The following KIAA0825 variants were observed in gnomAD, a reference collection of about 807,000 sequenced individuals.
KIAA0825 encodes uncharacterized protein KIAA0825.
KIAA0825 carries 119 observed loss-of-function variants against 147.6 expected under a neutral mutation model. The observed-to-expected ratio is 0.81, with a 90% CI of 0.69 to 0.94. The LOEUF is 0.94. KIAA0825 is among the 40% of genes least tolerant of loss of function. The pLI, the probability that KIAA0825 is intolerant of heterozygous loss-of-function variation, is 0.00. For synonymous variants in KIAA0825, 470 were observed against 518.1 expected (o/e 0.91, Z 1.26); for missense variants, 1,381 against 1,472.7 (o/e 0.94, Z 1.02).
chr5:94,241,994 A>T (rs1488333816), intron 20 of KIAA0825, among the ~76,000 whole-genome samples: 1 of 152,236 alleles, frequency 6.6e-6, no homozygotes, highest in Non-Finnish European at 1.5e-5. Context: ...TTTTAAAGCA[A>T]ATAACTCATT....
Position 94,477,349 on chromosome 5 carries a change from A to G in KIAA0825, c.1133-144T>C, listed in dbSNP as rs1266271228. 5.1e-5 allele frequency: 26 copies of G among 510,248 alleles called. No homozygotes were observed. In the East Asian group the frequency reaches 5.8e-4, roughly 11 times the overall value. The allele number at this position is 510,248 out of a possible 1,614,324, so 31.6% of individuals were successfully genotyped here. On this transcript the variant is annotated intron_variant, in intron 6 of 20. Transcript: ENST00000682413. Reference sequence around the variant, plus strand: ...ACATACATATACACATCCACAAATAACAATATATAGAGAATATAGTCAAAA... The same window carrying G: ...ACATACATATACACATCCACAAATAGCAATATATAGAGAATATAGTCAAAA...
intron 20 of KIAA0825, among the ~76,000 whole-genome samples, chr5:94,228,605 C>A (rs1774413556): frequency 6.6e-6 from 1 of 152,106 alleles, no homozygotes; most frequent in African/African-American, 2.4e-5. Flanking sequence ...GTCACATGAC[C>A]ACATCTAGAC....
At chr5:94,267,343 T>G (rs1776778843) in intron 20 of KIAA0825, among the ~76,000 whole-genome samples, 2 of 151,920 alleles carry the variant, frequency 1.3e-5, no homozygotes, top group Admixed American at 1.3e-4. Context: ...TCAATCAACA[T>G]ATTTATTGAG....
At chr5:94,182,250 C>CTGTTTTTTTTTTTTTT (rs1769701577) in intron 20 of KIAA0825, among the ~76,000 whole-genome samples, 1 of 38,276 alleles carries the variant, frequency 2.6e-5, no homozygotes, top group Non-Finnish European at 4.3e-5. Flanking sequence ...AATGTCCCTT[C>CTGTTTTTTTTTTTTTT]TTTTTTTTTT....
At chr5:94,444,737 A>G (rs980374690) in intron 13 of KIAA0825, among the ~76,000 whole-genome samples, 26 of 152,252 alleles carry the variant, frequency 1.7e-4, no homozygotes, top group Middle Eastern at 3.4e-3. Flanking sequence ...GCTTAAATAA[A>G]TGAATAAATT....
chr5:94,482,758 C>CA (rs1195973320), intron 6 of KIAA0825, among the ~76,000 whole-genome samples: 1 of 151,688 alleles, frequency 6.6e-6, no homozygotes, highest in Non-Finnish European at 1.5e-5. Flanking sequence ...GCTTTGTGAC[C>CA]AAAAAAATAT....
intron 2 of KIAA0825, among the ~76,000 whole-genome samples, chr5:94,539,788 T>C (rs1314493652): frequency 6.6e-6 from 1 of 151,876 alleles, no homozygotes; most frequent in African/African-American, 2.4e-5. Flanking sequence ...TAGGGTTCCT[T>C]ATAAGATTTA....
chr5:94,510,805 T>C (rs74884931), intron 5 of KIAA0825, among the ~76,000 whole-genome samples: 3,262 of 152,344 alleles, frequency 0.021, 45 homozygotes, highest in Non-Finnish European at 0.03. Context: ...TTGGTTTAAC[T>C]CTTAAAGCTG....
At chr5:94,295,532 G>A (rs542476611) in intron 20 of KIAA0825, among the ~76,000 whole-genome samples, 27 of 152,072 alleles carry the variant, frequency 1.8e-4, no homozygotes, top group Non-Finnish European at 1.0e-4. Flanking sequence ...GACTTTTTGT[G>A]CTAGTTTTTT....
intron 20 of KIAA0825, among the ~76,000 whole-genome samples, chr5:94,280,670 C>T (rs534039097): frequency 2.8e-4 from 42 of 152,178 alleles, no homozygotes; most frequent in African/African-American, 9.9e-4. Flanking sequence ...CTGCACCACA[C>T]GTCCTCACTG....
intron 15 of KIAA0825, among the ~76,000 whole-genome samples, chr5:94,409,325 C>T (rs1752472062): frequency 6.6e-6 from 1 of 152,140 alleles, no homozygotes; most frequent in South Asian, 2.1e-4. Context: ...TGCAAAATAA[C>T]TATTTTCACA....
intron 20 of KIAA0825, among the ~76,000 whole-genome samples, chr5:94,160,754 C>T (rs967771757): frequency 7.9e-5 from 12 of 151,714 alleles, no homozygotes; most frequent in Admixed American, 5.3e-4. Context: ...TTACCCCCTT[C>T]TCCCTCAATA....
chr5:94,247,300 C>T (rs557061386), intron 20 of KIAA0825, among the ~76,000 whole-genome samples: 11 of 152,036 alleles, frequency 7.2e-5, no homozygotes, highest in African/African-American at 2.2e-4. Flanking sequence ...TACTTTTGAC[C>T]GGTAATGAAT....
At chr5:94,429,729 G>A (rs905888269) in intron 14 of KIAA0825, among the ~76,000 whole-genome samples, 3 of 152,188 alleles carry the variant, frequency 2.0e-5, no homozygotes, top group South Asian at 2.1e-4. Context: ...CAGGTTCCCC[G>A]ATGTCAGGCA....
intron 20 of KIAA0825, among the ~76,000 whole-genome samples, chr5:94,292,804 A>T (rs1777959426): frequency 6.6e-6 from 1 of 152,112 alleles, no homozygotes; most frequent in African/African-American, 2.4e-5. Flanking sequence ...TTATTGGTCT[A>T]TTCAGGGATT....
chr5:94,161,280 T>C (rs1209614132), intron 20 of KIAA0825, among the ~76,000 whole-genome samples: 1 of 152,196 alleles, frequency 6.6e-6, no homozygotes, highest in African/African-American at 2.4e-5. Flanking sequence ...AGCAGTTCTG[T>C]TTAGCTGCTA....
chr5:94,599,333 T>TA (rs1013963457), intron 1 of KIAA0825, among the ~76,000 whole-genome samples: 1 of 147,132 alleles, frequency 6.8e-6, no homozygotes, highest in African/African-American at 2.5e-5. Context: ...TTATTTGGGT[T>TA]TTTTTTTTTT....
chr5:94,453,235 C>T (rs566046092), intron 12 of KIAA0825, among the ~76,000 whole-genome samples, 166 bp from the exon 13 acceptor site: 2 of 151,948 alleles, frequency 1.3e-5, no homozygotes, highest in Admixed American at 1.3e-4. Context: ...TGTAGTGGTG[C>T]GATTCCGGCT....
At chr5:94,282,059 A>G (rs1777494190) in intron 20 of KIAA0825, among the ~76,000 whole-genome samples, 1 of 152,104 alleles carries the variant, frequency 6.6e-6, no homozygotes, top group Non-Finnish European at 1.5e-5. Context: ...CTTCGTAAAT[A>G]TTCTTGTCTT....
Sources: allele counts gnomAD v4.1 joint callset (sites outside exome capture counted in the v4.1 genomes callset), GRCh38; gene constraint gnomAD v4.1.1; transcripts MANE v1.5; gene names NCBI Gene and HGNC (gene_info 2026-07-23, HGNC 2026-07-21).